Variants in IRF8 observed in about 807,000 individuals in gnomAD.
The protein encoded by IRF8 is interferon regulatory factor 8.
IRF8 carries 14 observed loss-of-function variants against 48.7 expected under a neutral mutation model. The observed-to-expected ratio is 0.29, with a 90% CI of 0.19 to 0.45. The LOEUF is 0.45. Among genes scored for constraint, IRF8 ranks in the 20% least tolerant of loss-of-function variants. IRF8 has a pLI of 1.00. For synonymous variants in IRF8, 278 were observed against 227.3 expected (o/e 1.22, Z -2.01); for missense variants, 493 against 580.7 (o/e 0.85, Z 1.55).
intron 4 of IRF8, among the ~76,000 whole-genome samples, chr16:85,911,999 G>A (rs1330877967): frequency 1.3e-5 from 2 of 152,210 alleles, no homozygotes; most frequent in South Asian, 2.1e-4. Flanking sequence ...GAATTCCCTT[G>A]CCTTCCTAGC....
At position 85,918,547 on chromosome 16, in the gene IRF8, C is replaced by T. The variant is rs28368113; in HGVS notation, c.732C>T (p.Pro244=). Residue 244 remains proline, a synonymous_variant, in exon 7 of 9, where the codon CCC becomes CCT. Coordinates refer to ENST00000268638, the MANE Select transcript of IRF8 (RefSeq NM_002163.4). Reference sequence around the variant, plus strand: ...TGCCCGGCACCAAGCTGTATGGGCCCGAGGGCCTGGAGCTGGTGCGCTTCC... The same window carrying T: ...TGCCCGGCACCAAGCTGTATGGGCCTGAGGGCCTGGAGCTGGTGCGCTTCC... ...PGLPGTKLYG[P]EGLELVRFPP... is the part of the protein sequence containing the mutation. The T allele has an allele frequency of 2.1e-5, 34 of 1,602,766 alleles. No individual in the cohort carries two copies. Among genetic ancestry groups the T allele is most frequent in the Non-Finnish European group, 2.5e-5 (30 of 1,179,018 alleles).
Position 85,910,580 on chromosome 16 carries a change from C to T in IRF8, c.359-990C>T, listed in dbSNP as rs1165421522. 4.6e-5 allele frequency among the ~76,000 whole-genome samples: 7 copies of T among 151,380 alleles called. No homozygotes were observed. The South Asian group carries it at 8.3e-4, about 18-fold the overall frequency. On this transcript the variant is annotated intron_variant, in intron 3 of 8. Transcript: ENST00000268638. Reference sequence around the variant, plus strand: ...ACCCCCAAGATCAGTCAGGCTTGAACCGGCAGGTGACCCCAACTTGTTTAT... The same window carrying T: ...ACCCCCAAGATCAGTCAGGCTTGAATCGGCAGGTGACCCCAACTTGTTTAT...
At chr16:85,905,921 C>G (rs902390116) in intron 2 of IRF8, among the ~76,000 whole-genome samples, 3 of 152,182 alleles carry the variant, frequency 2.0e-5, no homozygotes, top group Admixed American at 6.5e-5. Flanking sequence ...TGAGGCCGGC[C>G]TCATGGTATA....
At chr16:85,920,560 C>T (rs972690516) in intron 8 of IRF8, among the ~76,000 whole-genome samples, 1 of 152,142 alleles carries the variant, frequency 6.6e-6, no homozygotes, top group Admixed American at 6.5e-5. Context: ...TTGAGCCCTG[C>T]ATCCAGGTCT....
rs11862450 is a variant in IRF8, at chr16:85,903,427, G to C, written c.174+238G>C. 1,295 of 532,304 alleles carry C rather than the reference G, an allele frequency of 2.4e-3. 12 individuals are homozygous for C. The highest frequency in any genetic ancestry group is 0.023 in the African/African-American group (1,184 of 52,614). The allele number at this position is 532,304 out of a possible 1,614,324, so 33.0% of individuals were successfully genotyped here. On this transcript the variant is annotated intron_variant, in intron 2 of 8. Coordinates refer to ENST00000268638, the MANE Select transcript of IRF8 (RefSeq NM_002163.4). ...TTGTATTCTGATGAGGAGATCGAAG[G>C]CTCTTTTCTTCTCTTTTCTGCTGCT... is the stretch of plus-strand genomic sequence containing the variant.
In IRF8 at chr16:85,918,628, C is replaced by A; in HGVS notation, c.813C>A (p.Phe271Leu). ...AGAGGCAGGTGACGCGGAAGCTGTT[C>A]GGGCACCTGGAGCGCGGGGTGCTGC... ...ERQRQVTRKL[F>L]GHLERGVLLH... Residue 271 changes from phenylalanine (F) to leucine (L), a missense_variant, in exon 7 of 9, where the codon TTC becomes TTA. Phe to Leu is a conservative substitution (Grantham distance 22). Coordinates refer to ENST00000268638, the MANE Select transcript of IRF8 (RefSeq NM_002163.4). 1 of 1,608,420 alleles carries A rather than the reference C, an allele frequency of 6.2e-7. No homozygotes were observed. The highest frequency in any genetic ancestry group is 1.3e-5 in the African/African-American group (1 of 75,046).
intron 2 of IRF8, among the ~76,000 whole-genome samples, chr16:85,908,031 C>T (rs1415169777): frequency 2.6e-5 from 4 of 151,822 alleles, no homozygotes; most frequent in Non-Finnish European, 5.9e-5. Context: ...TTGCATTTTC[C>T]TGAAGTGGGT....
chr16:85,915,793 C>T (rs1376699813), intron 6 of IRF8, among the ~76,000 whole-genome samples: 1 of 152,196 alleles, frequency 6.6e-6, no homozygotes, highest in Non-Finnish European at 1.5e-5. Flanking sequence ...AGAACTGAGC[C>T]ATCTCGGTGA....
At chr16:85,899,408 C>T (rs889126812) in intron 1 of IRF8, among the ~76,000 whole-genome samples, 185 bp downstream of exon 1, 2 of 152,370 alleles carry the variant, frequency 1.3e-5, no homozygotes, top group East Asian at 1.9e-4. Context: ...AATCTGAATG[C>T]CCAAGTCGTT....
Position 85,918,796 on chromosome 16 carries a change from C to A in IRF8, c.981C>A (p.Phe327Leu). ...EVVQVFDTSQ[F>L]FRELQQFYNS... ...TCCAGGTCTTCGACACCAGCCAGTT[C>A]TTCCGAGGTCTGTACCGTCGTCACC... Residue 327 changes from phenylalanine to leucine, a missense_variant, in exon 7 of 9, where the codon TTC becomes TTA. Physicochemically the swap from Phe to Leu is conservative, Grantham distance 22. Coordinates refer to ENST00000268638, the MANE Select transcript of IRF8 (RefSeq NM_002163.4). 1.9e-6 allele frequency: 3 copies of A among 1,608,312 alleles called. No individual in the cohort carries two copies. The highest frequency in any genetic ancestry group is 2.5e-6 in the Non-Finnish European group (3 of 1,180,010).
chr16:85,921,178 G>A lies in IRF8; in HGVS notation c.1177G>A (p.Ala393Thr). Residue 393 changes from alanine (A) to threonine (T), a missense_variant, in exon 9 of 9, where the codon GCC becomes ACC. By Grantham distance (58) the Ala-to-Thr change is moderately conservative (BLOSUM62 0). Around this residue, in one of 3 missense-constraint regions of IRF8, gnomAD observed 408 missense variants for 449.6 expected, o/e 0.91. Transcript: ENST00000268638. ...CTGTGGAGCCGGCTCTGTGATGCAG[G>A]CCCCCGAGGAGCCGCCGCCAGACCA... Reference protein sequence around the residue: ...KSCGAGSVMQAPEEPPPDQVF... With the variant: ...KSCGAGSVMQTPEEPPPDQVF... 2 of 1,614,162 alleles carry A rather than the reference G, an allele frequency of 1.2e-6. No individual in the cohort carries two copies. The highest frequency in any genetic ancestry group is 1.7e-6 in the Non-Finnish European group (2 of 1,180,028).
At chr16:85,912,643 G>A (rs1454886313) in intron 4 of IRF8, among the ~76,000 whole-genome samples, 3 of 152,196 alleles carry the variant, frequency 2.0e-5, no homozygotes, top group Non-Finnish European at 2.9e-5. Flanking sequence ...TTGCCACACC[G>A]GGGTCACAAG....
intron 6 of IRF8, among the ~76,000 whole-genome samples, chr16:85,915,800 G>A (rs1421115948): frequency 6.6e-6 from 1 of 152,238 alleles, no homozygotes; most frequent in African/African-American, 2.4e-5. Flanking sequence ...AGCCATCTCG[G>A]TGAGATGCAG....
Position 85,921,194 on chromosome 16 carries a change from C to G in IRF8, c.1193C>G (p.Pro398Arg). The change falls in exon 9 of 9, where the codon CCG becomes CGG. Residue 398 changes from proline to arginine, a missense_variant. Physicochemically the swap from Pro to Arg is moderately radical, Grantham distance 103. Coordinates refer to ENST00000268638, the MANE Select transcript of IRF8 (RefSeq NM_002163.4). Reference protein sequence around the residue: ...GSVMQAPEEPPPDQVFRMFPD... With the variant: ...GSVMQAPEEPRPDQVFRMFPD... ...GTGATGCAGGCCCCCGAGGAGCCGC[C>G]GCCAGACCAGGTCTTCCGGATGTTT... 1.2e-6 allele frequency: 2 copies of G among 1,614,202 alleles called. No individual in the cohort carries two copies. Among genetic ancestry groups the G allele is most frequent in the East Asian group, 2.2e-5 (1 of 44,890 alleles).
chr16:85,901,533 G>A (rs940528455), intron 1 of IRF8, among the ~76,000 whole-genome samples: 20 of 152,080 alleles, frequency 1.3e-4, no homozygotes, highest in African/African-American at 4.6e-4. Context: ...CAGGAAGATC[G>A]CTTAAGCCCA....
At chr16:85,920,067 C>T (rs748383691) in intron 7 of IRF8, 42 bp from the exon 8 acceptor site, 4 of 1,460,368 alleles carry the variant, frequency 2.7e-6, no homozygotes, top group Non-Finnish European at 3.8e-6. Flanking sequence ...TGGAGGTCAT[C>T]TCGGCCTTGC....
intron 2 of IRF8, among the ~76,000 whole-genome samples, chr16:85,907,589 G>C (rs759588143): frequency 6.6e-6 from 1 of 152,168 alleles, no homozygotes; most frequent in African/African-American, 2.4e-5. Flanking sequence ...GAGGTAGGAG[G>C]ATTCGCTTGA....
In IRF8 at chr16:85,909,173, T is replaced by C. The variant is rs759051735; in HGVS notation, c.358T>C (p.Cys120Arg). Residue 120 changes from cysteine to arginine, a missense_variant and splice_region_variant, in exon 3 of 9, where the codon TGC becomes CGC. Around this residue, in one of 3 missense-constraint regions of IRF8, gnomAD observed 408 missense variants for 449.6 expected, o/e 0.91. Coordinates refer to ENST00000268638, the MANE Select transcript of IRF8 (RefSeq NM_002163.4). ...YRIVPEEEQK[C>R]KLGVATAGCV... Reference sequence around the variant, plus strand: ...AATTGTTCCTGAGGAAGAGCAAAAATGTAACTATCCTTTATGGGCATGAAA... The same window carrying C: ...AATTGTTCCTGAGGAAGAGCAAAAACGTAACTATCCTTTATGGGCATGAAA... The C allele has an allele frequency of 1.2e-6, 2 of 1,613,932 alleles. No homozygotes were observed. Among genetic ancestry groups the C allele is most frequent in the South Asian group, 2.2e-5 (2 of 91,084 alleles).
At chr16:85,899,710 A>T (rs1376128936) in intron 1 of IRF8, among the ~76,000 whole-genome samples, 1 of 152,226 alleles carries the variant, frequency 6.6e-6, no homozygotes, top group Non-Finnish European at 1.5e-5. Context: ...CAGTCAATTA[A>T]GATTTCTGAG....
Sources: gnomAD v4.1 joint callset for allele counts (sites outside exome capture counted in the v4.1 genomes callset) on GRCh38, gnomAD v4.1.1 for gene constraint, gnomAD v4.1.1 regional missense constraint, MANE v1.5 for transcripts, NCBI Gene and HGNC (gene_info 2026-07-23, HGNC 2026-07-21) for gene names.